The following CHIA variants were observed in gnomAD, a reference collection of about 807,000 sequenced individuals.
CHIA encodes acidic mammalian chitinase.
In CHIA, 47 loss-of-function variants were observed where a neutral mutation model predicts 53.5. The ratio of observed to expected loss-of-function variants is 0.88; its 90% CI spans 0.70 to 1.12. CHIA has a LOEUF of 1.12. Ranked by LOEUF, CHIA falls within the 50% of genes most tolerant of loss-of-function variation. The pLI, the probability that CHIA is intolerant of heterozygous loss-of-function variation, is 0.00. For missense variants in CHIA, 652 were observed against 592.2 expected, an observed-to-expected ratio of 1.10 and a Z score of -1.05; for synonymous variants, 268 against 222.2, an observed-to-expected ratio of 1.21 and a Z score of -1.83.
chr1:111,291,136 C>T (rs1017712715), intron 1 of CHIA, among the ~76,000 whole-genome samples, 186 bp downstream of exon 1: 1 of 152,080 alleles, frequency 6.6e-6, no homozygotes, highest in Admixed American at 6.5e-5. Flanking sequence ...TTTCTCCTCC[C>T]CTCACACATC....
chr1:111,315,751 C>T (rs1020198595), intron 6 of CHIA: 8 of 469,654 alleles, frequency 1.7e-5, no homozygotes, highest in African/African-American at 1.6e-4. Context: ...AACTAAAGTA[C>T]AGAGAGGATT....
intron 1 of CHIA, among the ~76,000 whole-genome samples, chr1:111,293,737 T>C (rs1661169082): frequency 6.6e-6 from 1 of 152,210 alleles, no homozygotes; most frequent in African/African-American, 2.4e-5. Flanking sequence ...ATTTAGGCCA[T>C]TGATCTATTT....
At chr1:111,307,720 C>A (rs1290377408) in intron 1 of CHIA, among the ~76,000 whole-genome samples, 4 of 151,914 alleles carry the variant, frequency 2.6e-5, no homozygotes, top group African/African-American at 9.7e-5. Context: ...CAGCTCACTG[C>A]AACCTCCGCC....
At position 111,290,883 on chromosome 1, in the gene CHIA, G is replaced by C. The variant is rs901727135; in HGVS notation, c.-136G>C. On this transcript the variant is annotated 5_prime_UTR_variant, in exon 1 of 12. Coordinates refer to ENST00000369740, the MANE Select transcript of CHIA (RefSeq NM_201653.4). ...TCATGAAACCTCCTCGTCTGTGCACGAACAGGTGGCCGACTCTGGAGCCCA... is the reference window on the plus strand; with the variant it reads ...TCATGAAACCTCCTCGTCTGTGCACCAACAGGTGGCCGACTCTGGAGCCCA... 1.3e-5 allele frequency: 6 copies of C among 469,014 alleles called. No homozygotes were observed. Among genetic ancestry groups the C allele is most frequent in the Middle Eastern group, 6.5e-4 (2 of 3,068 alleles). 29.1% of individuals were successfully genotyped at this position (469,014 alleles called of 1,614,324 possible).
chr1:111,320,558 A>C lies in CHIA; in HGVS notation c.*92A>C, dbSNP rs1649589674. The C allele has an allele frequency of 2.5e-6, 3 of 1,218,000 alleles. No individual in the cohort carries two copies. The African/African-American group carries it at 4.5e-5, about 18-fold the overall frequency. The allele number at this position is 1,218,000 out of a possible 1,614,324, so 75.4% of individuals were successfully genotyped here. On this transcript the variant is annotated 3_prime_UTR_variant, in exon 12 of 12. Transcript: ENST00000369740. ...AAGTCCTGCAATAAAATCAGCAGTC[A>C]AAACATGACTGTCCTTGCTTTTAAG...
intron 1 of CHIA, among the ~76,000 whole-genome samples, chr1:111,297,329 G>A (rs1647252221): frequency 6.6e-6 from 1 of 152,162 alleles, no homozygotes; most frequent in African/African-American, 2.4e-5. Context: ...CAGAGAGAAA[G>A]GTCGGGTTAC....
At chr1:111,296,136 T>C (rs1053040011) in intron 1 of CHIA, among the ~76,000 whole-genome samples, 1 of 152,212 alleles carries the variant, frequency 6.6e-6, no homozygotes, top group Non-Finnish European at 1.5e-5. Context: ...GGGCAGGGCA[T>C]AGCTGAACAA....
intron 2 of CHIA, 55 bp downstream of exon 2, chr1:111,310,547 A>G: frequency 1.2e-6 from 2 of 1,612,926 alleles, no homozygotes; most frequent in African/African-American, 1.3e-5. Flanking sequence ...TTTTTCTCTC[A>G]CAGGCTCTGA....
chr1:111,299,320 A>AAT (rs1647501201), intron 1 of CHIA, among the ~76,000 whole-genome samples: 1 of 152,228 alleles, frequency 6.6e-6, no homozygotes, highest in Admixed American at 6.5e-5. Flanking sequence ...CCTGATGACC[A>AAT]TTGATGCAAA....
intron 1 of CHIA, among the ~76,000 whole-genome samples, chr1:111,296,516 A>G (rs957134987): frequency 3.0e-4 from 46 of 152,228 alleles, no homozygotes; most frequent in African/African-American, 1.1e-3. Context: ...AAACAAAAGG[A>G]ATAGCTTCCA....
chr1:111,318,432 T>C (rs755416134), intron 8 of CHIA, 61 bp from the exon 9 acceptor site: 4 of 1,385,516 alleles, frequency 2.9e-6, no homozygotes, highest in Non-Finnish European at 4.0e-6. Context: ...AGGGGACTAA[T>C]ATAACTAAGT....
chr1:111,297,740 T>C (rs1376846390), intron 1 of CHIA, among the ~76,000 whole-genome samples: 1 of 152,014 alleles, frequency 6.6e-6, no homozygotes, highest in Non-Finnish European at 1.5e-5. Flanking sequence ...ACATTAAATG[T>C]AAATGGGCTA....
chr1:111,320,321 T>A lies in CHIA; in HGVS notation c.1286T>A (p.Phe429Tyr). The A allele has an allele frequency of 1.9e-6, 3 of 1,614,196 alleles. No individual in the cohort carries two copies. Among genetic ancestry groups the A allele is most frequent in the Non-Finnish European group, 2.5e-6 (3 of 1,180,026 alleles). Residue 429 changes from phenylalanine to tyrosine, a missense_variant, in exon 12 of 12, where the codon TTC (phenylalanine) becomes TAC (tyrosine). Transcript: ENST00000369740. ...GGAGGCAGCTCGGGAGGCAGTGGATTCTGTGCTGTCAGAGCCAACGGCCTC... is the reference window on the plus strand; with the variant it reads ...GGAGGCAGCTCGGGAGGCAGTGGATACTGTGCTGTCAGAGCCAACGGCCTC... ...SSGGSSGGSG[F>Y]CAVRANGLYP...
chr1:111,317,562 TA>T (rs1649256202), intron 6 of CHIA, 118 bp from the exon 7 acceptor site: 1 of 1,161,986 alleles, frequency 8.6e-7, no homozygotes, highest in East Asian at 2.5e-5. Flanking sequence ...TAAAGTAAAA[TA>T]AAATATGTGA....
chr1:111,316,546 T>A (rs1371612915), intron 6 of CHIA: 3 of 152,120 alleles, frequency 2.0e-5, no homozygotes, highest in East Asian at 1.9e-4. Flanking sequence ...ACTTTGAGGA[T>A]GGGTTTGATT....
At chr1:111,291,697 A>G (rs1571254155) in intron 1 of CHIA, among the ~76,000 whole-genome samples, 1 of 151,914 alleles carries the variant, frequency 6.6e-6, no homozygotes, top group South Asian at 2.1e-4. Flanking sequence ...AAAGGGGGGA[A>G]AAATATATAG....
chr1:111,296,833 G>T (rs868027264), intron 1 of CHIA, among the ~76,000 whole-genome samples: 3 of 152,144 alleles, frequency 2.0e-5, no homozygotes, highest in Non-Finnish European at 4.4e-5. Flanking sequence ...TTGAAAAAAG[G>T]TTAGACGAAT....
At chr1:111,306,113 C>T (rs1443830304) in intron 1 of CHIA, among the ~76,000 whole-genome samples, 1 of 152,206 alleles carries the variant, frequency 6.6e-6, no homozygotes, top group African/African-American at 2.4e-5. Context: ...AACCCATTTT[C>T]ATGGAAAACC....
In CHIA at chr1:111,320,385, C is replaced by T. The variant is rs781067947; in HGVS notation, c.1350C>T (p.Cys450=). 1 of 1,614,216 alleles carries T rather than the reference C, an allele frequency of 6.2e-7. No individual in the cohort carries two copies. Among genetic ancestry groups the T allele is most frequent in the Non-Finnish European group, 8.5e-7 (1 of 1,180,034 alleles). Residue 450 remains cysteine (C), a synonymous_variant, in exon 12 of 12, where the codon TGC becomes TGT. Transcript: ENST00000369740. ...ATAACAGAAATGCCTTCTGGCACTGCGTGAATGGAGTCACGTACCAGCAGA... is the reference window on the plus strand; with the variant it reads ...ATAACAGAAATGCCTTCTGGCACTGTGTGAATGGAGTCACGTACCAGCAGA... ...VANNRNAFWH[C]VNGVTYQQNC...
Sources: allele counts gnomAD v4.1 joint callset (sites outside exome capture counted in the v4.1 genomes callset), GRCh38; gene constraint gnomAD v4.1.1; transcripts MANE v1.5; gene names NCBI Gene and HGNC (gene_info 2026-07-23, HGNC 2026-07-21).